Variants in FANCI observed in about 807,000 individuals in gnomAD.
FANCI encodes Fanconi anemia group I protein.
Under a neutral mutation model 176.1 loss-of-function variants are expected in FANCI, and 156 were observed. The ratio of observed to expected loss-of-function variants is 0.89; its 90% CI spans 0.78 to 1.01. The LOEUF (loss-of-function observed/expected upper bound fraction) is 1.01. Ranked by LOEUF, FANCI falls within the 50% of genes least tolerant of loss-of-function variation. FANCI has a pLI of 0.00. For synonymous variants in FANCI, 613 were observed against 541.7 expected, an observed-to-expected ratio of 1.13 and a Z score of -1.83; for missense variants, 1,678 against 1,534.1, an observed-to-expected ratio of 1.09 and a Z score of -1.57.
chr15:89,270,403 C>G (rs1371211641), intron 10 of FANCI, among the ~76,000 whole-genome samples: 1 of 152,160 alleles, frequency 6.6e-6, no homozygotes, highest in Non-Finnish European at 1.5e-5. Context: ...AGATAGTATT[C>G]AAAATCCTTT....
At chr15:89,305,316 G>T (rs2054675702) in intron 29 of FANCI, 25 bp from the exon 30 acceptor site, 1 of 1,614,066 alleles carries the variant, frequency 6.2e-7, no homozygotes, top group Admixed American at 1.7e-5. Context: ...CTGTCATTAG[G>T]TCTCACCTCT....
chr15:89,250,584 C>T (rs1028400263), intron 2 of FANCI, among the ~76,000 whole-genome samples: 2 of 151,546 alleles, frequency 1.3e-5, no homozygotes, highest in South Asian at 2.1e-4. Context: ...TTAGGAGATA[C>T]ACCTAATGTA....
In FANCI at chr15:89,293,850, A is replaced by G. The variant is rs755204427; in HGVS notation, c.2309A>G (p.Asp770Gly). 6.2e-6 allele frequency: 10 copies of G among 1,613,948 alleles called. No individual in the cohort carries two copies. In the African/African-American group the frequency reaches 1.3e-4, roughly 22 times the overall value. The change falls in exon 23 of 38, where the codon GAC (aspartate) becomes GGC (glycine). Residue 770 changes from aspartate to glycine, a missense_variant. Physicochemically the swap from Asp to Gly is moderately conservative, Grantham distance 94 (BLOSUM62 -1). Coordinates refer to ENST00000310775, the MANE Select transcript of FANCI (RefSeq NM_001113378.2). Reference protein sequence around the residue: ...ISSFSKNRFEDILSLFMCYKK... With the variant: ...ISSFSKNRFEGILSLFMCYKK... ...TTTTACAGTAAGAATAGGTTTGAGGACATTCTGAGCTTATTTATGTGTTAC... is the reference window on the plus strand; with the variant it reads ...TTTTACAGTAAGAATAGGTTTGAGGGCATTCTGAGCTTATTTATGTGTTAC...
chr15:89,265,058 A>G (rs1037562224), intron 9 of FANCI, among the ~76,000 whole-genome samples: 1 of 152,230 alleles, frequency 6.6e-6, no homozygotes, highest in Non-Finnish European at 1.5e-5. Context: ...GGTCAGGGAA[A>G]ACCTCTCTCA....
chr15:89,309,086 C>G (rs994178078), intron 34 of FANCI, among the ~76,000 whole-genome samples: 2 of 152,160 alleles, frequency 1.3e-5, no homozygotes, highest in Non-Finnish European at 2.9e-5. Context: ...GTCAGGAATG[C>G]ATCATCCATT....
At position 89,315,310 on chromosome 15, in the gene FANCI, GCACCT is replaced by G. The variant is rs748374119; in HGVS notation, c.3849_3853del (p.Ser1284ArgfsTer18). The G allele has an allele frequency of 3.7e-6, 6 of 1,613,854 alleles. No individual in the cohort carries two copies. Among genetic ancestry groups the G allele is most frequent in the Non-Finnish European group, 5.1e-6 (6 of 1,179,808 alleles). Reference sequence around the variant, plus strand: ...AACCTGATGCAGCACATGAAGCTCAGCACCTCACGAGACTTCAAGATCAAAGGAAA... The same window carrying G: ...AACCTGATGCAGCACATGAAGCTCAGCACGAGACTTCAAGATCAAAGGAAA... On this transcript the variant is annotated frameshift_variant, in exon 37 of 38. Coordinates refer to ENST00000310775, the MANE Select transcript of FANCI (RefSeq NM_001113378.2). LOFTEE classifies it high-confidence loss of function.
At chr15:89,305,892 A>G in intron 31 of FANCI, 115 bp from the exon 32 acceptor site, 1 of 1,147,518 alleles carries the variant, frequency 8.7e-7, no homozygotes, top group South Asian at 1.3e-5. Flanking sequence ...TGCATATTGA[A>G]TGTTCGTTTT....
At chr15:89,293,781 ACCACAATATTCTGATGTTTGT>A in intron 22 of FANCI, 31 bp from the exon 23 acceptor site, 1 of 1,551,728 alleles carries the variant, frequency 6.4e-7, no homozygotes, top group South Asian at 1.1e-5. Flanking sequence ...GTAAAAGTAA[ACCACAATATTCTGATGTTTGT>A]CCTTAGCGGT....
At chr15:89,254,725 T>C (rs974323378) in intron 2 of FANCI, among the ~76,000 whole-genome samples, 4 of 152,086 alleles carry the variant, frequency 2.6e-5, no homozygotes, top group Non-Finnish European at 5.9e-5. Context: ...GGCAGGAGAA[T>C]TGCTTGAGCC....
intron 37 of FANCI, among the ~76,000 whole-genome samples, 190 bp downstream of exon 37, chr15:89,315,579 C>T (rs1240014268): frequency 1.3e-5 from 2 of 152,166 alleles, no homozygotes. Flanking sequence ...TATGAAGTTG[C>T]CCCGACTTGT....
At chr15:89,304,127 C>G (rs1003454775) in intron 28 of FANCI, among the ~76,000 whole-genome samples, 1 of 152,128 alleles carries the variant, frequency 6.6e-6, no homozygotes, top group Non-Finnish European at 1.5e-5. Flanking sequence ...TTGGTATAAC[C>G]ACTATGGAAA....
Position 89,305,986 on chromosome 15 carries a change from G to T in FANCI, c.3350-21G>T, listed in dbSNP as rs1457368518. On this transcript the variant is annotated intron_variant, in intron 31 of 37. Transcript: ENST00000310775. The stretch of plus-strand genomic sequence containing the variant: ...AGAAAACGAAGTTGGGTTTGAATGT[G>T]CCAATTTTATTTCCCTTTAGAAGAG... The T allele has an allele frequency of 1.9e-6, 3 of 1,613,748 alleles. No homozygotes were observed. The Admixed American group carries it at 5.0e-5, about 27-fold the overall frequency.
At position 89,296,929 on chromosome 15, in the gene FANCI, C is replaced by G. The variant is rs1478735786; in HGVS notation, c.2636+1835C>G. On this transcript the variant is annotated intron_variant, in intron 24 of 37. Coordinates refer to ENST00000310775, the MANE Select transcript of FANCI (RefSeq NM_001113378.2). ...TGGCCGGGCGGGGGGCTGACCCCCC[C>G]ACCTCCCTCCCGGACGGGGCGGCTG... 3.4e-5 allele frequency among the ~76,000 whole-genome samples: 5 copies of G among 149,116 alleles called. No individual in the cohort carries two copies. The East Asian group carries it at 1.0e-3, about 30-fold the overall frequency.
chr15:89,316,335 T>C, intron 37 of FANCI, 62 bp from the exon 38 acceptor site: 3 of 1,521,614 alleles, frequency 2.0e-6, no homozygotes, highest in Non-Finnish European at 2.7e-6. Flanking sequence ...TTTCCTTCTT[T>C]TTATTTCCAC....
intron 34 of FANCI, chr15:89,308,284 T>A: frequency 1.7e-6 from 1 of 575,228 alleles, no homozygotes; most frequent in Non-Finnish European, 2.2e-6. Flanking sequence ...CAGATGCCAG[T>A]AGCAGCCCCC....
At chr15:89,299,665 G>T in intron 24 of FANCI, 135 bp from the exon 25 acceptor site, 2 of 795,658 alleles carry the variant, frequency 2.5e-6, no homozygotes, top group Non-Finnish European at 4.1e-6. Flanking sequence ...TACCTTGATT[G>T]TGGGGAGATT....
At chr15:89,305,921 T>G (rs2054700479) in intron 31 of FANCI, 86 bp from the exon 32 acceptor site, 12 of 1,382,200 alleles carry the variant, frequency 8.7e-6, no homozygotes, top group South Asian at 7.0e-5. Context: ...GACTTTCTAG[T>G]TAGTAGTAAT....
intron 26 of FANCI, 94 bp downstream of exon 26, chr15:89,300,479 C>A: frequency 9.4e-7 from 1 of 1,060,274 alleles, no homozygotes; most frequent in South Asian, 1.3e-5. Flanking sequence ...AGACAGTGAC[C>A]AAGTAGGAGA....
rs187563880 is a variant in FANCI, at chr15:89,274,119, A to C, written c.976-49A>C. 8.5e-4 allele frequency: 1,146 copies of C among 1,353,564 alleles called. 6 individuals carry two copies. In the African/African-American group the frequency reaches 0.015, roughly 17 times the overall value. The allele number at this position is 1,353,564 out of a possible 1,614,324, so 83.8% of individuals were successfully genotyped here. A position where few individuals can be genotyped will look rare whatever the true frequency, so the allele number is the denominator to read the frequency against. ...TTTCTTTCATTCTGTTAGGTGCTTG[A>C]TCTTTTATTTATTTATTTTTTCATT... On this transcript the variant is annotated intron_variant, in intron 11 of 37. Transcript: ENST00000310775.
Sources: gnomAD v4.1 joint callset for allele counts (sites outside exome capture counted in the v4.1 genomes callset) on GRCh38, gnomAD v4.1.1 for gene constraint, MANE v1.5 for transcripts, NCBI Gene and HGNC (gene_info 2026-07-23, HGNC 2026-07-21) for gene names.